The following FAT3 variants were observed in gnomAD, a reference collection of about 807,000 sequenced individuals.
FAT3 encodes protocadherin Fat 3.
A neutral mutation model predicts 310.2 loss-of-function variants in FAT3; 95 were observed. The ratio of observed to expected loss-of-function variants is 0.31; its 90% CI spans 0.26 to 0.36. The LOEUF is 0.36. FAT3 is among the 10% of genes least tolerant of loss of function. The pLI is 1.00. For synonymous variants in FAT3, 2,314 were observed against 2,192.9 expected, an observed-to-expected ratio of 1.06 and a Z score of -1.54; for missense variants, 5,408 against 5,715.6, an observed-to-expected ratio of 0.95 and a Z score of 1.74.
At chr11:92,593,326 G>T (rs1013103224) in intron 3 of FAT3, among the ~76,000 whole-genome samples, 5 of 152,118 alleles carry the variant, frequency 3.3e-5, no homozygotes, top group South Asian at 2.1e-4. Context: ...ACCCAGAGTG[G>T]AGTTTCTGGA....
rs868179430 is a variant in FAT3, at chr11:92,565,135, G to A, written c.3607+40187G>A. On this transcript the variant is annotated intron_variant, in intron 3 of 27. Transcript: ENST00000525166. ...AAAGGATCAACAAAATTGATAGACC[G>A]CTAGCAAGACTAATAAAGAAAAAAA... 4.0e-4 allele frequency among the ~76,000 whole-genome samples: 54 copies of A among 134,640 alleles called. 1 individual carries two copies. The highest frequency in any genetic ancestry group is 1.5e-3 in the Admixed American group (19 of 12,342). 88.3% of individuals were successfully genotyped at this position (134,640 alleles called of 152,430 possible). A position where few individuals can be genotyped will look rare whatever the true frequency, so the allele number is the denominator to read the frequency against.
intron 1 of FAT3, among the ~76,000 whole-genome samples, chr11:92,274,506 A>G (rs1200756529): frequency 6.6e-6 from 1 of 152,004 alleles, no homozygotes; most frequent in Admixed American, 6.6e-5. Flanking sequence ...TGACCATTTC[A>G]GGTTTCTTTT....
chr11:92,691,068 G>A (rs927069142), intron 3 of FAT3, among the ~76,000 whole-genome samples: 3 of 152,118 alleles, frequency 2.0e-5, no homozygotes, highest in Admixed American at 2.0e-4. Flanking sequence ...TGCACTGCCG[G>A]GCACAGAACC....
chr11:92,509,069 C>T (rs1344115026), intron 2 of FAT3, among the ~76,000 whole-genome samples: 1 of 152,090 alleles, frequency 6.6e-6, no homozygotes, highest in East Asian at 1.9e-4. Context: ...TCTTACTAAA[C>T]ATCATGGAAT....
At chr11:92,870,645 C>T (rs78801528) in intron 22 of FAT3, among the ~76,000 whole-genome samples, 3,911 of 152,190 alleles carry the variant, frequency 0.026, 79 homozygotes, top group African/African-American at 0.064. Context: ...CAGTCCTCCA[C>T]GCCTTATCAT....
intron 3 of FAT3, among the ~76,000 whole-genome samples, chr11:92,569,405 C>T (rs185373959): frequency 6.6e-6 from 1 of 152,276 alleles, no homozygotes; most frequent in East Asian, 1.9e-4. Flanking sequence ...GCCTAGCCTT[C>T]AGCCAAAGTA....
intron 3 of FAT3, among the ~76,000 whole-genome samples, chr11:92,577,144 T>G (rs1938525473): frequency 6.6e-6 from 1 of 152,122 alleles, no homozygotes. Flanking sequence ...GGAGTCTTGC[T>G]CTGTTGCCCA....
At chr11:92,700,146 G>A (rs895407832) in intron 4 of FAT3, among the ~76,000 whole-genome samples, 6 of 152,148 alleles carry the variant, frequency 3.9e-5, no homozygotes, top group East Asian at 1.9e-4. Flanking sequence ...GCCTGAAAGC[G>A]GGGGGTGACA....
chr11:92,545,322 A>G (rs531109760), intron 3 of FAT3, among the ~76,000 whole-genome samples: 2 of 152,242 alleles, frequency 1.3e-5, no homozygotes, highest in African/African-American at 4.8e-5. Flanking sequence ...CTATCTAACA[A>G]GGTATATATG....
intron 2 of FAT3, among the ~76,000 whole-genome samples, chr11:92,399,733 G>A (rs1949967240): frequency 6.6e-6 from 1 of 152,158 alleles, no homozygotes; most frequent in South Asian, 2.1e-4. Context: ...CCCCTTAAGT[G>A]GCAGTGGATT....
At chr11:92,421,020 T>C (rs1249105491) in intron 2 of FAT3, among the ~76,000 whole-genome samples, 1 of 152,188 alleles carries the variant, frequency 6.6e-6, no homozygotes, top group Non-Finnish European at 1.5e-5. Context: ...TAGCGGATGT[T>C]TTCCTGTCTC....
chr11:92,382,595 A>G (rs1008928908), intron 2 of FAT3, among the ~76,000 whole-genome samples: 1 of 152,118 alleles, frequency 6.6e-6, no homozygotes, highest in Non-Finnish European at 1.5e-5. Flanking sequence ...TCCTTCTGCC[A>G]CCATCTAGAT....
At chr11:92,889,972 C>G (rs373645283) in intron 27 of FAT3, 81 bp downstream of exon 27, 60 of 717,428 alleles carry the variant, frequency 8.4e-5, no homozygotes, top group African/African-American at 8.2e-4. Context: ...GTTCCTGTGC[C>G]TCTGCCCTGA....
chr11:92,434,153 CCAGCACT>C lies in FAT3; in HGVS notation c.3292+78752_3292+78758del, dbSNP rs1479434733. Among the ~76,000 whole-genome samples the C allele has an allele frequency of 3.9e-5, 6 of 152,134 alleles. No individual in the cohort carries two copies. The East Asian group carries it at 1.2e-3, about 30-fold the overall frequency. On this transcript the variant is annotated intron_variant, in intron 2 of 27. Coordinates refer to ENST00000525166, the MANE Select transcript of FAT3 (RefSeq NM_001367949.2). ...TTAATCCACCATGAGGCTAGTGGAT[CCAGCACT>C]CAAAGAACTCCTATTCCGGGAAAGT... is the stretch of plus-strand genomic sequence containing the variant.
intron 2 of FAT3, among the ~76,000 whole-genome samples, chr11:92,482,162 T>C (rs1006074995): frequency 6.6e-6 from 1 of 152,184 alleles, no homozygotes; most frequent in East Asian, 1.9e-4. Flanking sequence ...GTAAGAATGC[T>C]CTATACCATA....
intron 3 of FAT3, among the ~76,000 whole-genome samples, chr11:92,534,935 T>A (rs773974014): frequency 2.6e-5 from 4 of 152,178 alleles, no homozygotes; most frequent in Admixed American, 6.5e-5. Context: ...TGTAGAAGTA[T>A]GCTTGGACCA....
chr11:92,315,504 T>TAG (rs1947425487), intron 1 of FAT3, among the ~76,000 whole-genome samples: 58 of 90,964 alleles, frequency 6.4e-4, no homozygotes, highest in East Asian at 3.8e-3. Flanking sequence ...TATATATATA[T>TAG]ATATATATAG....
chr11:92,824,711 G>C (rs1457516620), intron 13 of FAT3, among the ~76,000 whole-genome samples: 1 of 150,658 alleles, frequency 6.6e-6, no homozygotes, highest in Non-Finnish European at 1.5e-5. Flanking sequence ...AACCTAGAAG[G>C]GTAAACAAAA....
chr11:92,888,149 C>G (rs1949838157), intron 25 of FAT3, among the ~76,000 whole-genome samples: 1 of 152,158 alleles, frequency 6.6e-6, no homozygotes, highest in South Asian at 2.1e-4. Context: ...TTTTCATCAC[C>G]ACTTTCAAAT....
Sources: allele counts gnomAD v4.1 joint callset (sites outside exome capture counted in the v4.1 genomes callset), GRCh38; gene constraint gnomAD v4.1.1; transcripts MANE v1.5; gene names NCBI Gene and HGNC (gene_info 2026-07-23, HGNC 2026-07-21).